The following MTAP variants were observed in gnomAD, a reference collection of about 807,000 sequenced individuals.
MTAP encodes S-methyl-5'-thioadenosine phosphorylase.
In MTAP, 33 loss-of-function variants were observed where a neutral mutation model predicts 33.6. The ratio of observed to expected loss-of-function variants is 0.98; its 90% CI spans 0.74 to 1.31. The LOEUF (loss-of-function observed/expected upper bound fraction) is 1.31. Among genes scored for constraint, MTAP ranks in the 40% most tolerant of loss-of-function variants. The probability of loss-of-function intolerance (pLI) is 0.00; values close to 1 mark genes in which losing one functional copy is unlikely to be tolerated. For missense variants in MTAP, 367 were observed against 360.0 expected, an observed-to-expected ratio of 1.02 and a Z score of -0.16; for synonymous variants, 148 against 125.7, an observed-to-expected ratio of 1.18 and a Z score of -1.19.
At chr9:21,856,106 A>G (rs1057431839) in intron 6 of MTAP, 3 of 963,650 alleles carry the variant, frequency 3.1e-6, no homozygotes, top group Non-Finnish European at 3.7e-6. Flanking sequence ...GTGTTACTTG[A>G]ATAAACTAGA....
chr9:21,854,138 C>A (rs1028410067), intron 5 of MTAP, among the ~76,000 whole-genome samples: 7 of 152,172 alleles, frequency 4.6e-5, no homozygotes, highest in African/African-American at 1.7e-4. Flanking sequence ...AAAGCTTTTA[C>A]AGAAGTCTTC....
chr9:21,838,841 G>C (rs1825173588), intron 5 of MTAP, among the ~76,000 whole-genome samples: 1 of 152,230 alleles, frequency 6.6e-6, no homozygotes, highest in South Asian at 2.1e-4. Flanking sequence ...AGTATCGTTA[G>C]AGATTAACTG....
intron 7 of MTAP, chr9:21,860,412 T>C (rs1260482415): frequency 2.0e-5 from 3 of 152,180 alleles, no homozygotes; most frequent in Non-Finnish European, 4.4e-5. Context: ...AACTAAGGTG[T>C]CTCTCAGCAG....
chr9:21,905,040 C>T (rs1038497917), intron 1 of MTAP, among the ~76,000 whole-genome samples: 1 of 152,116 alleles, frequency 6.6e-6, no homozygotes, highest in Non-Finnish European at 1.5e-5. Context: ...CTCCTAAAGC[C>T]CCAGTGGGCG....
Position 21,863,832 on chromosome 9 carries a change from G to A in MTAP, c.*1818G>A, listed in dbSNP as rs1404391880. Reference sequence around the variant, plus strand: ...ACTTCAAGATAATAAGCTGCTAATTGTAAACAAAACAGTTACCCTCCAGTA... The same window carrying A: ...ACTTCAAGATAATAAGCTGCTAATTATAAACAAAACAGTTACCCTCCAGTA... On this transcript the variant is annotated 3_prime_UTR_variant, in exon 8 of 8. Transcript: ENST00000644715. 5 of 985,632 alleles carry A rather than the reference G, an allele frequency of 5.1e-6. No homozygotes were observed. Among genetic ancestry groups the A allele is most frequent in the Admixed American group, 6.1e-5 (1 of 16,264 alleles). 61.1% of individuals were successfully genotyped at this position (985,632 alleles called of 1,614,324 possible).
intron 1 of MTAP, among the ~76,000 whole-genome samples, chr9:21,807,916 G>C (rs1374611800): frequency 6.6e-6 from 1 of 152,232 alleles, no homozygotes; most frequent in African/African-American, 2.4e-5. Context: ...AAGCAGTTAA[G>C]GAAAATGTTT....
chr9:21,865,510 A>C lies in MTAP; in HGVS notation c.*3496A>C. The stretch of plus-strand genomic sequence containing the variant: ...GTGTGCACACAATCTGGCTCAATGT[A>C]TATATTGGCCCAGCAAGGCAAAGAA... On this transcript the variant is annotated 3_prime_UTR_variant, in exon 8 of 8. Transcript: ENST00000644715. The C allele has an allele frequency of 1.0e-6, 1 of 985,614 alleles. No homozygotes were observed. The highest frequency in any genetic ancestry group is 1.2e-6 in the Non-Finnish European group (1 of 829,992). The allele number at this position is 985,614 out of a possible 1,614,324, so 61.1% of individuals were successfully genotyped here.
At chr9:21,845,309 A>G (rs67134687) in intron 5 of MTAP, among the ~76,000 whole-genome samples, 14,268 of 152,244 alleles carry the variant, frequency 0.094, 877 homozygotes, top group East Asian at 0.25. Context: ...AAGCTCCTAG[A>G]TAAATGAATT....
chr9:21,843,802 A>C (rs1333913372), intron 5 of MTAP, among the ~76,000 whole-genome samples: 5 of 152,222 alleles, frequency 3.3e-5, no homozygotes, highest in East Asian at 1.9e-4. Flanking sequence ...AGTCTGAAGG[A>C]GGACAAATCA....
Position 21,856,119 on chromosome 9 carries a change from G to A in MTAP, c.690+1249G>A, listed in dbSNP as rs566856925. The A allele has an allele frequency of 7.0e-5, 69 of 981,378 alleles. No individual in the cohort carries two copies. The African/African-American group carries it at 9.7e-4, about 14-fold the overall frequency. 60.8% of individuals were successfully genotyped at this position (981,378 alleles called of 1,614,324 possible). ...TTGTGTTACTTGAATAAACTAGATC[G>A]TTCGTCCTGTCATTTATCTCATTTT... On this transcript the variant is annotated intron_variant, in intron 6 of 7. Coordinates refer to ENST00000644715, the MANE Select transcript of MTAP (RefSeq NM_002451.4).
chr9:21,802,937 C>A, intron 1 of MTAP, 156 bp downstream of exon 1: 1 of 1,414,694 alleles, frequency 7.1e-7, no homozygotes, highest in South Asian at 1.5e-5. Context: ...ACTCACTTGC[C>A]GCGCGAGGAG....
At chr9:21,901,015 T>C (rs1017435611) in intron 1 of MTAP, among the ~76,000 whole-genome samples, 2 of 152,104 alleles carry the variant, frequency 1.3e-5, no homozygotes, top group Non-Finnish European at 2.9e-5. Flanking sequence ...AAGGCCCACC[T>C]AAGGATGCAG....
In MTAP at chr9:21,821,678, T is replaced by C. The variant is rs569772393; in HGVS notation, c.347+3476T>C. Reference sequence around the variant, plus strand: ...GAGGATTCCCTCTTTTTTTATTGATTGGAATAGTTTCAGAAGGAATGGTAC... The same window carrying C: ...GAGGATTCCCTCTTTTTTTATTGATCGGAATAGTTTCAGAAGGAATGGTAC... On this transcript the variant is annotated intron_variant, in intron 4 of 7. Coordinates refer to ENST00000644715, the MANE Select transcript of MTAP (RefSeq NM_002451.4). 7.6e-3 allele frequency among the ~76,000 whole-genome samples: 1,160 copies of C among 152,344 alleles called. 13 individuals carry two copies. The highest frequency in any genetic ancestry group is 0.026 in the African/African-American group (1,071 of 41,572).
At chr9:21,850,723 G>T (rs1193291376) in intron 5 of MTAP, among the ~76,000 whole-genome samples, 1 of 152,150 alleles carries the variant, frequency 6.6e-6, no homozygotes, top group Non-Finnish European at 1.5e-5. Context: ...TTTGACTATG[G>T]GTCATCAAGT....
chr9:21,887,178 G>A (rs545170791), intron 1 of MTAP, among the ~76,000 whole-genome samples: 38 of 152,076 alleles, frequency 2.5e-4, no homozygotes, highest in Non-Finnish European at 4.0e-4. Flanking sequence ...TGTTACATAT[G>A]TATACATGTG....
At chr9:21,880,113 G>A (rs555468128) in intron 1 of MTAP, among the ~76,000 whole-genome samples, 151 of 152,202 alleles carry the variant, frequency 9.9e-4, no homozygotes, top group African/African-American at 3.4e-3. Flanking sequence ...ATGGCATTTG[G>A]AGGTGGAGCT....
intron 1 of MTAP, among the ~76,000 whole-genome samples, chr9:21,897,854 C>T (rs996549986): frequency 1.1e-4 from 17 of 152,284 alleles, no homozygotes; most frequent in Admixed American, 6.5e-4. Flanking sequence ...CTACCAATGC[C>T]TTTCTTCACA....
intron 4 of MTAP, among the ~76,000 whole-genome samples, chr9:21,830,515 T>A (rs1327023196): frequency 1.3e-5 from 2 of 152,254 alleles, no homozygotes. Context: ...TTTGTTCCAC[T>A]TCTTTGCAGC....
At chr9:21,936,956 A>G (rs1220483440) in exon 8 of MTAP, 1 of 152,206 alleles carries the variant, frequency 6.6e-6, no homozygotes, top group Admixed American at 6.5e-5. Flanking sequence ...AATGAAAGAT[A>G]AAATCTAAAT....
Sources: gnomAD v4.1 joint callset for allele counts (sites outside exome capture counted in the v4.1 genomes callset) on GRCh38, gnomAD v4.1.1 for gene constraint, MANE v1.5 for transcripts, NCBI Gene and HGNC (gene_info 2026-07-23, HGNC 2026-07-21) for gene names.